Variants in GNG12 observed in about 807,000 individuals in gnomAD.
GNG12 encodes the protein guanine nucleotide-binding protein G(I)/G(S)/G(O) subunit gamma-12.
For synonymous variants in GNG12, 28 were observed against 29.7 expected (o/e 0.94, Z 0.19); for missense variants, 69 against 83.8 (o/e 0.82, Z 0.69).
chr1:67,738,408 G>A (rs1405278324), intron 2 of GNG12, among the ~76,000 whole-genome samples: 1 of 152,116 alleles, frequency 6.6e-6, no homozygotes, highest in Non-Finnish European at 1.5e-5. Context: ...GGTATATAGA[G>A]GTGAATAAAT....
At chr1:67,715,819 G>A (rs1479071714) in intron 2 of GNG12, among the ~76,000 whole-genome samples, 2 of 152,218 alleles carry the variant, frequency 1.3e-5, no homozygotes, top group Non-Finnish European at 2.9e-5. Context: ...ATTCACAATT[G>A]TTAAATCTGT....
intron 1 of GNG12, among the ~76,000 whole-genome samples, chr1:67,827,950 A>G (rs1647021044): frequency 6.6e-6 from 1 of 152,238 alleles, no homozygotes; most frequent in Non-Finnish European, 1.5e-5. Context: ...AGTTATCTTA[A>G]GTCAAGTCAC....
chr1:67,761,642 G>T (rs1022873968), intron 2 of GNG12, among the ~76,000 whole-genome samples: 4 of 152,090 alleles, frequency 2.6e-5, no homozygotes, highest in Non-Finnish European at 5.9e-5. Context: ...TTGGCTCTTT[G>T]GTTTTATGAT....
intron 2 of GNG12, among the ~76,000 whole-genome samples, chr1:67,750,623 A>G (rs990544530): frequency 2.6e-5 from 4 of 152,198 alleles, no homozygotes; most frequent in Non-Finnish European, 5.9e-5. Flanking sequence ...CCCCTAACTT[A>G]CAAATCGGCA....
intron 1 of GNG12, among the ~76,000 whole-genome samples, chr1:67,780,392 C>T (rs1021533800): frequency 2.0e-5 from 3 of 152,148 alleles, no homozygotes; most frequent in Non-Finnish European, 4.4e-5. Flanking sequence ...TCTCATTGCC[C>T]TTGCACTTAC....
At chr1:67,761,071 G>A (rs1314975772) in intron 2 of GNG12, among the ~76,000 whole-genome samples, 3 of 152,208 alleles carry the variant, frequency 2.0e-5, no homozygotes, top group African/African-American at 7.2e-5. Context: ...GATACTGGAA[G>A]ATTTCTAAGA....
chr1:67,798,797 A>G (rs1427134643), intron 1 of GNG12, among the ~76,000 whole-genome samples: 1 of 152,136 alleles, frequency 6.6e-6, no homozygotes, highest in Non-Finnish European at 1.5e-5. Context: ...CTACTAAAAT[A>G]CAAAAAATTA....
At chr1:67,806,170 T>C (rs913423691) in intron 1 of GNG12, among the ~76,000 whole-genome samples, 1 of 151,846 alleles carries the variant, frequency 6.6e-6, no homozygotes, top group Non-Finnish European at 1.5e-5. Context: ...GGGAAAATGA[T>C]ATAGGTCAGA....
At chr1:67,776,033 GGGAGGGAGGTGGTTTTTGA>G (rs1646703504) in intron 2 of GNG12, among the ~76,000 whole-genome samples, 1 of 152,130 alleles carries the variant, frequency 6.6e-6, no homozygotes, top group Non-Finnish European at 1.5e-5. Flanking sequence ...ATGGCAGGTA[GGGAGGGAGGTGGTTTTTGA>G]GGAGTAACGT....
chr1:67,749,571 C>T (rs189238311), intron 2 of GNG12, among the ~76,000 whole-genome samples: 2 of 152,268 alleles, frequency 1.3e-5, no homozygotes, highest in African/African-American at 2.4e-5. Context: ...GGTCTGGGTA[C>T]AACTGTTTGC....
intron 1 of GNG12, among the ~76,000 whole-genome samples, chr1:67,827,526 C>T (rs973583324): frequency 5.3e-5 from 8 of 151,868 alleles, no homozygotes; most frequent in Non-Finnish European, 1.2e-4. Flanking sequence ...CCCAGGTTCA[C>T]GCCATTTTCC....
chr1:67,766,371 C>T (rs964646978), intron 2 of GNG12, among the ~76,000 whole-genome samples: 2 of 141,752 alleles, frequency 1.4e-5, no homozygotes, highest in Non-Finnish European at 3.2e-5. Context: ...AAGATATTCA[C>T]ATACAAAGGG....
At chr1:67,779,713 T>C (rs1646726540) in intron 1 of GNG12, among the ~76,000 whole-genome samples, 1 of 152,164 alleles carries the variant, frequency 6.6e-6, no homozygotes, top group Non-Finnish European at 1.5e-5. Flanking sequence ...CAAATGGCAA[T>C]TATACACTAC....
At chr1:67,775,913 C>G (rs567826943) in intron 2 of GNG12, among the ~76,000 whole-genome samples, 4 of 152,232 alleles carry the variant, frequency 2.6e-5, no homozygotes, top group Non-Finnish European at 5.9e-5. Flanking sequence ...AAGAGAGATA[C>G]TGAACAGATT....
At chr1:67,773,049 T>C (rs952957423) in intron 2 of GNG12, among the ~76,000 whole-genome samples, 5 of 152,356 alleles carry the variant, frequency 3.3e-5, no homozygotes, top group Admixed American at 2.6e-4. Flanking sequence ...CTTACTAGCA[T>C]GGCCATCCTA....
chr1:67,763,090 G>GGAGGGAGGGAGGGAGAGAGA (rs1553157314), intron 2 of GNG12, among the ~76,000 whole-genome samples: 2 of 116,724 alleles, frequency 1.7e-5, no homozygotes, highest in African/African-American at 6.5e-5. Context: ...TACCCTCCCA[G>GGAGGGAGGGAGGGAGAGAGA]GAGAGAGAGA....
At chr1:67,783,832 A>T (rs912045213) in intron 1 of GNG12, among the ~76,000 whole-genome samples, 11 of 151,576 alleles carry the variant, frequency 7.3e-5, no homozygotes, top group African/African-American at 2.4e-4. Flanking sequence ...GCTGGAGAGG[A>T]TGTGGAGAAA....
intron 2 of GNG12, among the ~76,000 whole-genome samples, chr1:67,724,302 G>C (rs1367056235): frequency 6.6e-6 from 1 of 152,156 alleles, no homozygotes; most frequent in South Asian, 2.1e-4. Context: ...TGGAAAAGCA[G>C]GAAGGAATGA....
intron 2 of GNG12, among the ~76,000 whole-genome samples, chr1:67,735,075 C>CA (rs1257495603): frequency 3.3e-5 from 5 of 152,076 alleles, no homozygotes; most frequent in Admixed American, 2.6e-4. Flanking sequence ...AGGCTGGTCT[C>CA]AAACTCCTGA....
Sources: allele counts gnomAD v4.1 joint callset (sites outside exome capture counted in the v4.1 genomes callset), GRCh38; gene constraint gnomAD v4.1.1; transcripts MANE v1.5; gene names NCBI Gene and HGNC (gene_info 2026-07-23, HGNC 2026-07-21).